Variants in BLMH observed in about 807,000 individuals in gnomAD.
The protein encoded by BLMH is BLM hydrolase.
In BLMH, 32 loss-of-function variants were observed where a neutral mutation model predicts 61.6. That is an observed-to-expected ratio of 0.52 (90% CI 0.39 to 0.70). The LOEUF is 0.70. Ranked by LOEUF, BLMH falls within the 30% of genes least tolerant of loss-of-function variation. BLMH has a pLI of 0.00. For missense variants in BLMH, 460 were observed against 555.5 expected, an observed-to-expected ratio of 0.83 and a Z score of 1.73; for synonymous variants, 183 against 193.8, an observed-to-expected ratio of 0.94 and a Z score of 0.46.
intron 6 of BLMH, among the ~76,000 whole-genome samples, chr17:30,282,245 A>G (rs1421345492): frequency 1.6e-5 from 2 of 128,170 alleles, no homozygotes; most frequent in Admixed American, 8.4e-5. Context: ...TTTTTTTGAG[A>G]CAGAGCCTTG....
At chr17:30,269,263 C>T (rs944666088) in intron 10 of BLMH, among the ~76,000 whole-genome samples, 3 of 150,106 alleles carry the variant, frequency 2.0e-5, no homozygotes, top group African/African-American at 7.4e-5. Flanking sequence ...CTGCAACCTC[C>T]GCTTCCCGGG....
Position 30,285,405 on chromosome 17 carries a change from C to T in BLMH, c.628G>A (p.Asp210Asn). ...ATKGEISATQDVMMEEIFRVV... is the reference protein window; with the variant it reads ...ATKGEISATQNVMMEEIFRVV... ...GTTATTACCTCCTCCATCATGACGTCCTGTGTGGCCGAGATTTCTCCTTTG... is the reference window on the plus strand; with the variant it reads ...GTTATTACCTCCTCCATCATGACGTTCTGTGTGGCCGAGATTTCTCCTTTG... The change falls in exon 6 of 12, where the codon GAC becomes AAC. Residue 210 changes from aspartate (D) to asparagine (N), a missense_variant. Around this residue, in one of 5 missense-constraint regions of BLMH, gnomAD observed 310 missense variants for 371.1 expected, o/e 0.84. Transcript: ENST00000261714. 1 of 1,611,818 alleles carries T rather than the reference C, an allele frequency of 6.2e-7. No homozygotes were observed. Among genetic ancestry groups the T allele is most frequent in the Non-Finnish European group, 8.5e-7 (1 of 1,178,882 alleles).
At chr17:30,251,137 C>T (rs1416559158) in intron 11 of BLMH, among the ~76,000 whole-genome samples, 1 of 152,058 alleles carries the variant, frequency 6.6e-6, no homozygotes, top group Non-Finnish European at 1.5e-5. Flanking sequence ...TACCAGTGTA[C>T]ACTGCTTAGG....
chr17:30,270,271 G>A (rs919651682), intron 10 of BLMH, among the ~76,000 whole-genome samples: 6 of 152,168 alleles, frequency 3.9e-5, no homozygotes, highest in African/African-American at 1.4e-4. Flanking sequence ...AAGCTGAGGC[G>A]GGCAGATCAC....
At position 30,287,903 on chromosome 17, in the gene BLMH, G is replaced by T; in HGVS notation, c.366C>A (p.Ala122=). 6.2e-7 allele frequency: 1 copy of T among 1,613,862 alleles called. No homozygotes were observed. Among genetic ancestry groups the T allele is most frequent in the Non-Finnish European group, 8.5e-7 (1 of 1,179,912 alleles). Residue 122 remains alanine, a synonymous_variant, in exon 4 of 12, where the codon GCC becomes GCA. Transcript: ENST00000261714. ...TCCCATCCTCAGGCTCCTTTCTCTG[G>T]GCTGTGTCCACAAAAGCACTCAAGA... The part of the protein sequence containing the change: ...YFFLSAFVDT[A]QRKEPEDGRL...
intron 11 of BLMH, 96 bp from the exon 12 acceptor site, chr17:30,249,264 C>T: frequency 7.8e-7 from 1 of 1,288,402 alleles, no homozygotes; most frequent in Non-Finnish European, 1.1e-6. Context: ...AACTAATATT[C>T]ATACATATTT....
At chr17:30,274,629 A>C (rs1908368088) in intron 6 of BLMH, among the ~76,000 whole-genome samples, 2 of 152,146 alleles carry the variant, frequency 1.3e-5, no homozygotes. Flanking sequence ...GTCTCTAGTC[A>C]TAGGAAAGTA....
intron 11 of BLMH, among the ~76,000 whole-genome samples, chr17:30,253,472 A>G (rs1405916925): frequency 2.0e-5 from 3 of 152,186 alleles, no homozygotes; most frequent in African/African-American, 7.2e-5. Context: ...CCCTATGTAG[A>G]TAATGAACTT....
chr17:30,281,290 G>C (rs2143029633), intron 6 of BLMH, among the ~76,000 whole-genome samples: 1 of 152,022 alleles, frequency 6.6e-6, no homozygotes, highest in South Asian at 2.1e-4. Flanking sequence ...ATTACTTCTA[G>C]AGGTGTTTAT....
At chr17:30,272,103 T>G (rs1908289463) in intron 9 of BLMH, among the ~76,000 whole-genome samples, 1 of 152,212 alleles carries the variant, frequency 6.6e-6, no homozygotes, top group Non-Finnish European at 1.5e-5. Flanking sequence ...AGTTTACAAA[T>G]TAACCTTCAT....
At chr17:30,273,446 C>T in intron 7 of BLMH, 1 of 157,498 alleles carries the variant, frequency 6.3e-6, no homozygotes, top group Non-Finnish European at 1.4e-5. Context: ...GGATTACAGG[C>T]ATGAGCCACC....
intron 6 of BLMH, among the ~76,000 whole-genome samples, chr17:30,277,348 A>G (rs568098090): frequency 6.6e-6 from 1 of 152,350 alleles, no homozygotes; most frequent in African/African-American, 2.4e-5. Context: ...CTCAGTGCCA[A>G]GGCTACAAAT....
At chr17:30,268,664 G>A (rs201513344) in intron 10 of BLMH, among the ~76,000 whole-genome samples, 12,742 of 151,806 alleles carry the variant, frequency 0.084, 815 homozygotes, top group African/African-American at 0.17. Flanking sequence ...AACAGAGATA[G>A]AAATGATAAA....
intron 6 of BLMH, among the ~76,000 whole-genome samples, chr17:30,277,751 TAA>T (rs35497813): frequency 6.6e-6 from 1 of 152,220 alleles, no homozygotes; most frequent in Non-Finnish European, 1.5e-5. Flanking sequence ...CTGTTTAAAG[TAA>T]AAAGTGTTAA....
At chr17:30,288,604 C>T (rs1908797054) in intron 3 of BLMH, among the ~76,000 whole-genome samples, 1 of 152,148 alleles carries the variant, frequency 6.6e-6, no homozygotes, top group Non-Finnish European at 1.5e-5. Flanking sequence ...ACCTCAGCCT[C>T]CCAAAGTGCT....
intron 10 of BLMH, among the ~76,000 whole-genome samples, chr17:30,268,822 A>C (rs564061768): frequency 2.9e-4 from 43 of 150,186 alleles, no homozygotes; most frequent in South Asian, 8.5e-4. Context: ...GGATTGCTTG[A>C]GGTCAGGAGT....
intron 11 of BLMH, among the ~76,000 whole-genome samples, chr17:30,258,131 C>T (rs1907863660): frequency 6.6e-6 from 1 of 151,552 alleles, no homozygotes; most frequent in Admixed American, 6.6e-5. Flanking sequence ...CCATGTTTGG[C>T]GAGCTATTTT....
intron 10 of BLMH, among the ~76,000 whole-genome samples, chr17:30,268,511 A>C (rs1037734824): frequency 2.0e-5 from 3 of 152,192 alleles, no homozygotes; most frequent in Admixed American, 6.5e-5. Context: ...GTATAATAAT[A>C]TAAATTCTGC....
intron 6 of BLMH, among the ~76,000 whole-genome samples, chr17:30,283,305 A>G (rs542137712): frequency 1.1e-4 from 16 of 152,234 alleles, no homozygotes; most frequent in African/African-American, 3.9e-4. Flanking sequence ...GTAGGGGAGG[A>G]AAAAAATATG....
Sources: gnomAD v4.1 joint callset for allele counts (sites outside exome capture counted in the v4.1 genomes callset) on GRCh38, gnomAD v4.1.1 for gene constraint, gnomAD v4.1.1 regional missense constraint, MANE v1.5 for transcripts, NCBI Gene and HGNC (gene_info 2026-07-23, HGNC 2026-07-21) for gene names.